Variants in SPCS3 observed in about 807,000 individuals in gnomAD.
The protein encoded by SPCS3 is signal peptidase complex subunit 3, also known as SPase 22 kDa subunit.
SPCS3 carries 9 observed loss-of-function variants against 17.2 expected under a neutral mutation model. The ratio of observed to expected loss-of-function variants is 0.52; its 90% CI spans 0.31 to 0.91. The LOEUF is 0.91. SPCS3 is among the 40% of genes least tolerant of loss of function. SPCS3 has a pLI of 0.04. For synonymous variants in SPCS3, 87 were observed against 89.6 expected, an observed-to-expected ratio of 0.97 and a Z score of 0.16; for missense variants, 139 against 217.5, an observed-to-expected ratio of 0.64 and a Z score of 2.27.
At chr4:176,322,818 C>T (rs1295344057) in intron 2 of SPCS3, among the ~76,000 whole-genome samples, 1 of 151,964 alleles carries the variant, frequency 6.6e-6, no homozygotes, top group Non-Finnish European at 1.5e-5. Context: ...TAAATATTTT[C>T]TCTTGAGATT....
rs772727029 is a variant in SPCS3 at position 176,329,778 on chromosome 4, T to C, written c.*1448T>C. The C allele has an allele frequency of 1.1e-4, 16 of 152,104 alleles. No individual in the cohort carries two copies. Among genetic ancestry groups the C allele is most frequent in the Non-Finnish European group, 1.5e-4 (10 of 67,994 alleles). 9.4% of individuals were successfully genotyped at this position (152,104 alleles called of 1,614,324 possible). The stretch of plus-strand genomic sequence containing the variant: ...CCCTTAGAAAAGCAAGACCAAACAC[T>C]GTAGTTACACTATTAGCAGTGACCA... On this transcript the variant is annotated 3_prime_UTR_variant, in exon 5 of 5. Coordinates refer to ENST00000503362, the MANE Select transcript of SPCS3 (RefSeq NM_021928.4).
chr4:176,322,073 C>CAA, intron 1 of SPCS3, 97 bp from the exon 2 acceptor site: 1 of 647,084 alleles, frequency 1.5e-6, no homozygotes, highest in Non-Finnish European at 2.6e-6. Context: ...ATTGCAGTTT[C>CAA]ACCTATGCAC....
chr4:176,323,577 A>T (rs1350224359), intron 2 of SPCS3, among the ~76,000 whole-genome samples: 1 of 152,126 alleles, frequency 6.6e-6, no homozygotes, highest in African/African-American at 2.4e-5. Context: ...AACTCCGCTT[A>T]TTTCTTGGTA....
At position 176,331,764 on chromosome 4, in the gene SPCS3, T is replaced by C. The variant is rs911623661; in HGVS notation, c.*3434T>C. 1 of 152,154 alleles carries C rather than the reference T, an allele frequency of 6.6e-6. No homozygotes were observed. Among genetic ancestry groups the C allele is most frequent in the Non-Finnish European group, 1.5e-5 (1 of 68,106 alleles). 9.4% of individuals were successfully genotyped at this position (152,154 alleles called of 1,614,324 possible). ...CCACCACGTCCGGCTAATTTTTGTA[T>C]TTTCAGTAGAGACGGGGTTTTGCTA... On this transcript the variant is annotated 3_prime_UTR_variant, in exon 5 of 5. Coordinates refer to ENST00000503362, the MANE Select transcript of SPCS3 (RefSeq NM_021928.4).
intron 3 of SPCS3, among the ~76,000 whole-genome samples, chr4:176,326,436 A>G (rs1322145367): frequency 6.6e-6 from 1 of 152,206 alleles, no homozygotes; most frequent in Non-Finnish European, 1.5e-5. Flanking sequence ...AGTAGTGGCC[A>G]CAAATTTTTT....
chr4:176,331,022 G>A lies in SPCS3; in HGVS notation c.*2692G>A, dbSNP rs1731678641. On this transcript the variant is annotated 3_prime_UTR_variant, in exon 5 of 5. Coordinates refer to ENST00000503362, the MANE Select transcript of SPCS3 (RefSeq NM_021928.4). ...TTCCTAAGGGTGTAATAAGAAAGTGGGTTTTGAGTTTCCTTTCCTGGAATT... is the reference window on the plus strand; with the variant it reads ...TTCCTAAGGGTGTAATAAGAAAGTGAGTTTTGAGTTTCCTTTCCTGGAATT... The A allele has an allele frequency of 6.6e-6, 1 of 152,070 alleles. No homozygotes were observed. The highest frequency in any genetic ancestry group is 1.5e-5 in the Non-Finnish European group (1 of 68,016). The allele number at this position is 152,070 out of a possible 1,614,324, so 9.4% of individuals were successfully genotyped here. A position where few individuals can be genotyped will look rare whatever the true frequency, so the allele number is the denominator to read the frequency against.
At chr4:176,325,025 C>T (rs1331515478) in intron 3 of SPCS3, among the ~76,000 whole-genome samples, 3 of 151,156 alleles carry the variant, frequency 2.0e-5, no homozygotes, top group Non-Finnish European at 4.4e-5. Flanking sequence ...GTATTGCCAC[C>T]ACTCAGCTGT....
chr4:176,326,951 C>T, intron 3 of SPCS3: 1 of 389,460 alleles, frequency 2.6e-6, no homozygotes, highest in Non-Finnish European at 4.6e-6. Context: ...GAATGAACTC[C>T]TTCAGGGAAT....
At position 176,329,940 on chromosome 4, in the gene SPCS3, G is replaced by A. The variant is rs1002311002; in HGVS notation, c.*1610G>A. ...AGTTGTATAGTTCATGCAAAAGCCT[G>A]TGGGTATGGGTTTTTCAAACCAGCA... On this transcript the variant is annotated 3_prime_UTR_variant, in exon 5 of 5. Coordinates refer to ENST00000503362, the MANE Select transcript of SPCS3 (RefSeq NM_021928.4). 1 of 152,138 alleles carries A rather than the reference G, an allele frequency of 6.6e-6. No individual in the cohort carries two copies. The highest frequency in any genetic ancestry group is 1.5e-5 in the Non-Finnish European group (1 of 67,996). 9.4% of individuals were successfully genotyped at this position (152,138 alleles called of 1,614,324 possible).
Position 176,328,983 on chromosome 4 carries a change from A to G in SPCS3, c.*653A>G, listed in dbSNP as rs1052562817. 2 of 152,136 alleles carry G rather than the reference A, an allele frequency of 1.3e-5. No individual in the cohort carries two copies. Among genetic ancestry groups the G allele is most frequent in the Admixed American group, 6.5e-5 (1 of 15,284 alleles). The allele number at this position is 152,136 out of a possible 1,614,324, so 9.4% of individuals were successfully genotyped here. On this transcript the variant is annotated 3_prime_UTR_variant, in exon 5 of 5. Coordinates refer to ENST00000503362, the MANE Select transcript of SPCS3 (RefSeq NM_021928.4). ...GTAAATTATTCTAATTCATTTTAAA[A>G]TCTTTTAGGTCAGCAAAATGTGTGT...
Position 176,329,410 on chromosome 4 carries a change from C to T in SPCS3, c.*1080C>T, listed in dbSNP as rs899716875. 19 of 152,084 alleles carry T rather than the reference C, an allele frequency of 1.2e-4. No homozygotes were observed. Among genetic ancestry groups the T allele is most frequent in the African/African-American group, 4.3e-4 (18 of 41,424 alleles). The allele number at this position is 152,084 out of a possible 1,614,324, so 9.4% of individuals were successfully genotyped here. On this transcript the variant is annotated 3_prime_UTR_variant, in exon 5 of 5. Coordinates refer to ENST00000503362, the MANE Select transcript of SPCS3 (RefSeq NM_021928.4). ...AGATCTTCTAATTTTCTGAGCTCAT[C>T]CTTTCTCTTATACCTCAGATTGCAG...
rs780573865 is a variant in SPCS3 at position 176,320,075 on chromosome 4, C to T, written c.-2C>T. On this transcript the variant is annotated 5_prime_UTR_variant, in exon 1 of 5. Transcript: ENST00000503362. ...AGTCCGGACTCGTGGGAGACGATCGCGATGAACACGGTGCTGTCGCGGGCG... is the reference window on the plus strand; with the variant it reads ...AGTCCGGACTCGTGGGAGACGATCGTGATGAACACGGTGCTGTCGCGGGCG... 133 of 1,554,294 alleles carry T rather than the reference C, an allele frequency of 8.6e-5. No individual in the cohort carries two copies. Among genetic ancestry groups the T allele is most frequent in the Non-Finnish European group, 1.1e-4 (123 of 1,150,018 alleles).
chr4:176,327,861 A>T (rs1202194311), intron 4 of SPCS3, among the ~76,000 whole-genome samples: 1 of 152,232 alleles, frequency 6.6e-6, no homozygotes, highest in Non-Finnish European at 1.5e-5. Flanking sequence ...TAATTGACAG[A>T]GTTAGGCTTC....
At position 176,324,246 on chromosome 4, in the gene SPCS3, A is replaced by G; in HGVS notation, c.283A>G (p.Thr95Ala). 1 of 1,142,016 alleles carries G rather than the reference A, an allele frequency of 8.8e-7. No homozygotes were observed. The highest frequency in any genetic ancestry group is 1.2e-6 in the Non-Finnish European group (1 of 825,034). 70.7% of individuals were successfully genotyped at this position (1,142,016 alleles called of 1,614,324 possible). A position where few individuals can be genotyped will look rare whatever the true frequency, so the allele number is the denominator to read the frequency against. The change falls in exon 3 of 5, where the codon ACA becomes GCA. Residue 95 changes from threonine to alanine, a missense_variant. Thr to Ala is a moderately conservative substitution (Grantham distance 58). Transcript: ENST00000503362. ...LFLYLSAEYS[T>A]KNNALNQVVL... ...TCTTTATTTATCAGCAGAATATTCA[A>G]CAAAAAATAATGTAAGTATATCTAA...
intron 3 of SPCS3, among the ~76,000 whole-genome samples, chr4:176,326,686 TCAG>T (rs1476598917): frequency 6.6e-6 from 1 of 152,216 alleles, no homozygotes; most frequent in African/African-American, 2.4e-5. Flanking sequence ...ACATAATTAA[TCAG>T]CAGTAACCTG....
chr4:176,327,231 G>A lies in SPCS3; in HGVS notation c.364G>A (p.Asp122Asn), dbSNP rs1731619401. 1.3e-6 allele frequency: 2 copies of A among 1,595,724 alleles called. No homozygotes were observed. Among genetic ancestry groups the A allele is most frequent in the Non-Finnish European group, 8.5e-7 (1 of 1,171,284 alleles). The change falls in exon 4 of 5, where the codon GAT (aspartate) becomes AAT (asparagine). Residue 122 changes from aspartate to asparagine, a missense_variant. Asp to Asn is a conservative substitution (Grantham distance 23, BLOSUM62 1). Coordinates refer to ENST00000503362, the MANE Select transcript of SPCS3 (RefSeq NM_021928.4). ...RGDNPKLLLK[D>N]MKTKYFFFDD... The stretch of plus-strand genomic sequence containing the variant: ...TGATAATCCGAAGCTGCTGCTGAAA[G>A]ATATGAAAACAAAATATTTTTTCTT...
rs1482622778 is a variant in SPCS3 at position 176,330,878 on chromosome 4, A to T, written c.*2548A>T. 6.6e-6 allele frequency: 1 copy of T among 152,234 alleles called. No homozygotes were observed. Among genetic ancestry groups the T allele is most frequent in the Non-Finnish European group, 1.5e-5 (1 of 68,038 alleles). The allele number at this position is 152,234 out of a possible 1,614,324, so 9.4% of individuals were successfully genotyped here. A position where few individuals can be genotyped will look rare whatever the true frequency, so the allele number is the denominator to read the frequency against. On this transcript the variant is annotated 3_prime_UTR_variant, in exon 5 of 5. Coordinates refer to ENST00000503362, the MANE Select transcript of SPCS3 (RefSeq NM_021928.4). The stretch of plus-strand genomic sequence containing the variant: ...TGAATTAATTTAAAAATGTGTTCAC[A>T]TATCCCTTTCTCTAACAGTTTAACC...
At chr4:176,320,358 C>T (rs1579356083) in intron 1 of SPCS3, 139 bp downstream of exon 1, 2 of 799,844 alleles carry the variant, frequency 2.5e-6, no homozygotes, top group East Asian at 8.5e-5. Flanking sequence ...GCAGTTCGCC[C>T]CCGAGGGCGG....
At position 176,320,005 on chromosome 4, in the gene SPCS3, G is replaced by A. The variant is rs1731512035; in HGVS notation, c.-72G>A. On this transcript the variant is annotated 5_prime_UTR_variant, in exon 1 of 5. Coordinates refer to ENST00000503362, the MANE Select transcript of SPCS3 (RefSeq NM_021928.4). The stretch of plus-strand genomic sequence containing the variant: ...CGCACCGCAGACGGCGCGGATCGCA[G>A]GGAGCCGGTCCGCCGCCGGAACGGG... 3.6e-6 allele frequency: 5 copies of A among 1,407,450 alleles called. No homozygotes were observed. The South Asian group carries it at 6.3e-5, about 18-fold the overall frequency. The allele number at this position is 1,407,450 out of a possible 1,614,324, so 87.2% of individuals were successfully genotyped here.
Sources: gnomAD v4.1 joint callset for allele counts (sites outside exome capture counted in the v4.1 genomes callset) on GRCh38, gnomAD v4.1.1 for gene constraint, MANE v1.5 for transcripts, NCBI Gene and HGNC (gene_info 2026-07-23, HGNC 2026-07-21) for gene names.